Variants in DIS3L2 observed in about 807,000 individuals in gnomAD.
The protein encoded by DIS3L2 is DIS3-like exonuclease 2.
A neutral mutation model predicts 97.5 loss-of-function variants in DIS3L2; 34 were observed. That is an observed-to-expected ratio of 0.35 (90% CI 0.27 to 0.46). The LOEUF (loss-of-function observed/expected upper bound fraction) is 0.46, where lower values mean the gene tolerates loss of function less well. DIS3L2 is among the 20% of genes least tolerant of loss of function. The probability of loss-of-function intolerance (pLI) is 1.00; values close to 1 mark genes in which losing one functional copy is unlikely to be tolerated. For synonymous variants in DIS3L2, 435 were observed against 445.2 expected (o/e 0.98, Z 0.29); for missense variants, 1,038 against 1,146.0 (o/e 0.91, Z 1.36).
In DIS3L2 at chr2:232,270,861, T is replaced by TCTCTCTCTCC. The variant is rs1559185080; in HGVS notation, c.1659+7430_1659+7431insCCTCTCTCTC. On this transcript the variant is annotated intron_variant, in intron 13 of 20. Coordinates refer to ENST00000325385, the MANE Select transcript of DIS3L2 (RefSeq NM_152383.5). Reference sequence around the variant, plus strand: ...GCACTCGCGCGCTCTCTTTTTCTCGTCTCTCTCTCTCTCTCTCTCTCTCTC... The same window carrying TCTCTCTCTCC: ...GCACTCGCGCGCTCTCTTTTTCTCGTCTCTCTCTCCCTCTCTCTCTCTCTCTCTCTCTCTC... 8.5e-4 allele frequency among the ~76,000 whole-genome samples: 6 copies of TCTCTCTCTCC among 7,068 alleles called. 1 individual carries two copies. The highest frequency in any genetic ancestry group is 3.8e-3 in the Admixed American group (3 of 782). The allele number at this position is 7,068 out of a possible 152,430, so 4.6% of individuals were successfully genotyped here.
At chr2:232,005,973 A>C (rs1272255847) in intron 1 of DIS3L2, among the ~76,000 whole-genome samples, 1 of 152,192 alleles carries the variant, frequency 6.6e-6, no homozygotes, top group Non-Finnish European at 1.5e-5. Context: ...GGATCACCTG[A>C]GGTCAGGAGT....
intron 19 of DIS3L2, 148 bp downstream of exon 19, chr2:232,334,883 A>G (rs1306558677): frequency 1.5e-6 from 1 of 656,724 alleles, no homozygotes; most frequent in East Asian, 2.8e-5. Context: ...TGAGACGCCC[A>G]GCTCTCCCAC....
chr2:232,258,137 T>G (rs891827808), intron 12 of DIS3L2, among the ~76,000 whole-genome samples: 1 of 152,224 alleles, frequency 6.6e-6, no homozygotes, highest in Admixed American at 6.5e-5. Flanking sequence ...TAGTACATAA[T>G]TATGTACTCC....
chr2:232,140,519 C>T (rs938080342), intron 8 of DIS3L2, among the ~76,000 whole-genome samples: 3 of 152,156 alleles, frequency 2.0e-5, no homozygotes, highest in Non-Finnish European at 4.4e-5. Context: ...AACTAAGGTT[C>T]TATGACTTCA....
chr2:231,997,920 C>T (rs868670178), intron 1 of DIS3L2, among the ~76,000 whole-genome samples: 11 of 152,104 alleles, frequency 7.2e-5, no homozygotes, highest in African/African-American at 2.7e-4. Context: ...TTCAAATTCC[C>T]CAATCATGCC....
chr2:232,190,222 T>C (rs1186576580), intron 9 of DIS3L2, among the ~76,000 whole-genome samples: 4 of 152,076 alleles, frequency 2.6e-5, no homozygotes, highest in South Asian at 2.1e-4. Flanking sequence ...GGTTCCCAGC[T>C]ACTCAGGAGG....
rs1012040457 is a variant in DIS3L2 at position 232,037,365 on chromosome 2, G to A, written c.366+7285G>A. ...GGGAAAACCGCCTACTTAAGCCTCC[G>A]TAATGGCAGACGCCCCTCCCCACCA... On this transcript the variant is annotated intron_variant, in intron 5 of 20. Coordinates refer to ENST00000325385, the MANE Select transcript of DIS3L2 (RefSeq NM_152383.5). This position sits in a 1 kb window ranked among gnomAD's most constrained non-coding sequence, Gnocchi z 4.6. Among the ~76,000 whole-genome samples, 7 of 152,176 alleles carry A rather than the reference G, an allele frequency of 4.6e-5. No homozygotes were observed. The highest frequency in any genetic ancestry group is 4.6e-4 in the Admixed American group (7 of 15,284).
intron 7 of DIS3L2, 120 bp from the exon 8 acceptor site, chr2:232,136,352 T>C (rs1267422825): frequency 5.4e-6 from 7 of 1,295,098 alleles, no homozygotes; most frequent in Admixed American, 2.1e-5. Flanking sequence ...GAGGCACTTA[T>C]TTTGACCTAG....
At position 232,258,985 on chromosome 2, in the gene DIS3L2, G is replaced by A. The variant is rs182524919; in HGVS notation, c.1426-4222G>A. ...CCTAGTCATTTTTTAGTACATGTCA[G>A]GTGTGACTCCCAGAAGCACTGGACT... On this transcript the variant is annotated intron_variant, in intron 12 of 20. Transcript: ENST00000325385. Among the ~76,000 whole-genome samples the A allele has an allele frequency of 2.0e-5, 3 of 152,232 alleles. No homozygotes were observed. In the East Asian group the frequency reaches 5.8e-4, roughly 29 times the overall value.
intron 14 of DIS3L2, 28 bp from the exon 15 acceptor site, chr2:232,329,785 T>TCCCGGG: frequency 2.1e-6 from 2 of 967,138 alleles, no homozygotes; most frequent in Non-Finnish European, 1.5e-6. Context: ...ACCCCAGCGG[T>TCCCGGG]CCCTCCCATC....
At chr2:232,309,870 C>T (rs1042253839) in intron 14 of DIS3L2, among the ~76,000 whole-genome samples, 1 of 152,214 alleles carries the variant, frequency 6.6e-6, no homozygotes, top group Non-Finnish European at 1.5e-5. Context: ...ATGCCTCTTC[C>T]TGGCTGCTGC....
At chr2:231,985,476 C>CA (rs1388662764) in intron 1 of DIS3L2, among the ~76,000 whole-genome samples, 3 of 152,164 alleles carry the variant, frequency 2.0e-5, no homozygotes, top group Non-Finnish European at 1.5e-5. Flanking sequence ...CTTAACCATT[C>CA]ATCTGTTGAA....
intron 10 of DIS3L2, among the ~76,000 whole-genome samples, chr2:232,228,147 G>A (rs138502964): frequency 2.6e-5 from 4 of 152,222 alleles, no homozygotes; most frequent in East Asian, 3.9e-4. Flanking sequence ...TGTGTTTTTA[G>A]TAGAGATGGG....
At chr2:232,041,824 A>AC (rs1218405015) in intron 5 of DIS3L2, among the ~76,000 whole-genome samples, 1 of 152,230 alleles carries the variant, frequency 6.6e-6, no homozygotes, top group Non-Finnish European at 1.5e-5. Flanking sequence ...TGCTTGATAC[A>AC]TTGATACCTG....
At chr2:232,078,840 CAAAG>C (rs766500617) in intron 5 of DIS3L2, among the ~76,000 whole-genome samples, 53 of 152,172 alleles carry the variant, frequency 3.5e-4, no homozygotes, top group Non-Finnish European at 3.4e-4. Context: ...TTTGGGACTT[CAAAG>C]AAAGAGAAAT....
chr2:232,005,836 G>A (rs569124399), intron 1 of DIS3L2, among the ~76,000 whole-genome samples: 5 of 152,294 alleles, frequency 3.3e-5, no homozygotes, highest in South Asian at 4.1e-4. Context: ...TAAGAGATGC[G>A]CCTGGAAGGA....
At chr2:232,052,075 G>A (rs1270462878) in intron 5 of DIS3L2, among the ~76,000 whole-genome samples, 2 of 150,880 alleles carry the variant, frequency 1.3e-5, no homozygotes, top group East Asian at 2.0e-4. Context: ...CCAGGCTGGA[G>A]TGCAGTGGTG....
chr2:232,097,942 C>T (rs1002166320), intron 6 of DIS3L2, among the ~76,000 whole-genome samples: 2 of 152,198 alleles, frequency 1.3e-5, no homozygotes, highest in East Asian at 1.9e-4. Flanking sequence ...TATTCAGGAT[C>T]GGATGGCTCT....
At chr2:232,206,927 A>G (rs1321601028) in intron 9 of DIS3L2, among the ~76,000 whole-genome samples, 1 of 152,202 alleles carries the variant, frequency 6.6e-6, no homozygotes, top group Non-Finnish European at 1.5e-5. Flanking sequence ...GGAAATGTCT[A>G]AATGGGAATT....
Sources: allele counts gnomAD v4.1 joint callset (sites outside exome capture counted in the v4.1 genomes callset), GRCh38; gene constraint gnomAD v4.1.1; non-coding constraint Gnocchi (gnomAD v3.1); transcripts MANE v1.5; gene names NCBI Gene and HGNC (gene_info 2026-07-23, HGNC 2026-07-21).